C1QTNF3: variants seen among roughly 807,000 people sequenced by gnomAD.
C1QTNF3 encodes complement C1q tumor necrosis factor-related protein 3.
Under a neutral mutation model 32.6 loss-of-function variants are expected in C1QTNF3, and 26 were observed. That is an observed-to-expected ratio of 0.80 (90% confidence interval 0.58 to 1.11). The LOEUF is 1.11. Ranked by LOEUF, C1QTNF3 falls within the 50% of genes least tolerant of loss-of-function variation. The probability of loss-of-function intolerance (pLI) is 0.00; values close to 1 mark genes in which losing one functional copy is unlikely to be tolerated. For synonymous variants in C1QTNF3, 155 were observed against 146.0 expected, an observed-to-expected ratio of 1.06 and a Z score of -0.44; for missense variants, 362 against 398.2, an observed-to-expected ratio of 0.91 and a Z score of 0.77.
At chr5:34,139,953 G>C in the C1QTNF3 span, among the ~76,000 whole-genome samples, 7 of 152,152 alleles carry the variant, frequency 4.6e-5, no homozygotes, top group Non-Finnish European at 7.3e-5. Context: ...CATAAATCTA[G>C]TAGAACAAAA....
chr5:34,126,033 TAAAGA>T, the C1QTNF3 span, among the ~76,000 whole-genome samples: 15 of 152,204 alleles, frequency 9.9e-5, no homozygotes, highest in African/African-American at 3.6e-4. Flanking sequence ...AACATCTTGA[TAAAGA>T]AAAGATAGTG....
chr5:34,060,768 A>G, the C1QTNF3 span, among the ~76,000 whole-genome samples: 34 of 152,292 alleles, frequency 2.2e-4, 1 homozygote, highest in Middle Eastern at 3.4e-3. Flanking sequence ...CCATAATTCA[A>G]TTACCTCCCA....
At chr5:34,028,266 C>T (rs772374109) in intron 4 of C1QTNF3, among the ~76,000 whole-genome samples, 4 of 152,156 alleles carry the variant, frequency 2.6e-5, no homozygotes, top group Non-Finnish European at 4.4e-5. Flanking sequence ...GCCACCGCGC[C>T]GGGCCTTAAC....
the C1QTNF3 span, among the ~76,000 whole-genome samples, chr5:34,137,001 G>A: frequency 1.3e-5 from 2 of 151,576 alleles, no homozygotes; most frequent in Non-Finnish European, 2.9e-5. Flanking sequence ...CTGTTGGGGG[G>A]TGGGGGCCTG....
intron 1 of C1QTNF3, 136 bp from the exon 2 acceptor site, chr5:34,035,894 G>A: frequency 1.5e-6 from 1 of 662,768 alleles, no homozygotes; most frequent in East Asian, 2.8e-5. Flanking sequence ...AGATGGGATG[G>A]GGTGGAGATA....
chr5:34,137,765 A>G, the C1QTNF3 span, among the ~76,000 whole-genome samples: 14 of 152,200 alleles, frequency 9.2e-5, no homozygotes, highest in Non-Finnish European at 1.8e-4. Context: ...TAAACATAGT[A>G]CTGTTCTGCT....
chr5:34,229,876 G>A, the C1QTNF3 span, among the ~76,000 whole-genome samples: 1 of 152,090 alleles, frequency 6.6e-6, no homozygotes. Flanking sequence ...CATAAGTGTG[G>A]TGTTCTCATG....
the C1QTNF3 span, chr5:34,220,004 G>T: frequency 6.6e-6 from 1 of 152,068 alleles, no homozygotes; most frequent in Non-Finnish European, 1.5e-5. Context: ...TTAGTTATGT[G>T]TGAATTAAAA....
the C1QTNF3 span, among the ~76,000 whole-genome samples, chr5:34,173,046 T>C: frequency 6.6e-6 from 1 of 152,206 alleles, no homozygotes; most frequent in African/African-American, 2.4e-5. Flanking sequence ...AGCACATATG[T>C]ATACTTTTGC....
chr5:34,033,884 A>G (rs1028773209), intron 2 of C1QTNF3, among the ~76,000 whole-genome samples: 1 of 152,262 alleles, frequency 6.6e-6, no homozygotes, highest in Non-Finnish European at 1.5e-5. Context: ...ATAAGTGGCC[A>G]GGTACAGTGG....
the C1QTNF3 span, among the ~76,000 whole-genome samples, chr5:34,084,800 G>GT: frequency 0.078 from 1,989 of 25,350 alleles, 89 homozygotes; most frequent in South Asian, 0.21. Context: ...TTTTTTTTTT[G>GT]TTTTTTTTGT....
At chr5:34,081,738 TTTAA>T in the C1QTNF3 span, among the ~76,000 whole-genome samples, 6 of 151,558 alleles carry the variant, frequency 4.0e-5, no homozygotes. Context: ...TTTTTCCGGA[TTTAA>T]TTGTTTATTT....
chr5:34,137,511 A>G, the C1QTNF3 span, among the ~76,000 whole-genome samples: 29 of 152,242 alleles, frequency 1.9e-4, no homozygotes, highest in African/African-American at 6.7e-4. Context: ...ATATCACAGT[A>G]TTTTTTCAAA....
At chr5:34,231,379 A>C in the C1QTNF3 span, among the ~76,000 whole-genome samples, 1 of 152,216 alleles carries the variant, frequency 6.6e-6, no homozygotes, top group African/African-American at 2.4e-5. Context: ...ATATGGGTAC[A>C]TAAGACTGAA....
chr5:34,040,841 T>C (rs562769062), intron 1 of C1QTNF3, among the ~76,000 whole-genome samples: 4 of 150,866 alleles, frequency 2.7e-5, no homozygotes, highest in Non-Finnish European at 5.9e-5. Context: ...TTGCTGTGGA[T>C]AGTCATTCTT....
chr5:34,128,404 G>A, the C1QTNF3 span, among the ~76,000 whole-genome samples: 20 of 152,336 alleles, frequency 1.3e-4, no homozygotes, highest in South Asian at 1.9e-3. Context: ...GCACTGCCTA[G>A]TGGAGCTGTG....
chr5:34,104,003 C>A, the C1QTNF3 span, among the ~76,000 whole-genome samples: 1 of 147,494 alleles, frequency 6.8e-6, no homozygotes, highest in South Asian at 2.2e-4. Context: ...GTTGCCATCA[C>A]TTACTCCCAA....
chr5:34,112,404 A>G, the C1QTNF3 span, among the ~76,000 whole-genome samples: 1 of 151,992 alleles, frequency 6.6e-6, no homozygotes, highest in Non-Finnish European at 1.5e-5. Flanking sequence ...TCATACCTAT[A>G]ATCCCATCAC....
chr5:34,132,416 T>C, the C1QTNF3 span, among the ~76,000 whole-genome samples: 1 of 112,478 alleles, frequency 8.9e-6, no homozygotes, highest in Admixed American at 1.0e-4. Flanking sequence ...AATATATATA[T>C]ATGTATGTGT....
Sources: allele counts gnomAD v4.1 joint callset (sites outside exome capture counted in the v4.1 genomes callset), GRCh38; gene constraint gnomAD v4.1.1; transcripts MANE v1.5; gene names NCBI Gene and HGNC (gene_info 2026-07-23, HGNC 2026-07-21).